The following MMP26 variants were observed in gnomAD, a reference collection of about 807,000 sequenced individuals.
The protein encoded by MMP26 is matrix metalloproteinase-26.
Under a neutral mutation model 31.0 loss-of-function variants are expected in MMP26, and 33 were observed. The ratio of observed to expected loss-of-function variants is 1.06; its 90% CI spans 0.81 to 1.42. The LOEUF (loss-of-function observed/expected upper bound fraction) is 1.42, where lower values mean the gene tolerates loss of function less well. Ranked by LOEUF, MMP26 falls within the 40% of genes most tolerant of loss-of-function variation. MMP26 has a pLI of 0.00. For missense variants in MMP26, 347 were observed against 316.1 expected (o/e 1.10, Z -0.74); for synonymous variants, 122 against 114.9 (o/e 1.06, Z -0.40).
intron 1 of MMP26, among the ~76,000 whole-genome samples, chr11:4,765,604 G>C (rs142180778): frequency 6.6e-5 from 10 of 152,222 alleles, no homozygotes; most frequent in African/African-American, 2.4e-4. Flanking sequence ...TCTGGCTTTT[G>C]GTGGTTACCT....
chr11:4,970,175 T>G (rs940836788), intron 2 of MMP26, among the ~76,000 whole-genome samples: 1 of 152,244 alleles, frequency 6.6e-6, no homozygotes. Flanking sequence ...AAGTAGTTCT[T>G]ATCTTTAATA....
chr11:4,981,315 T>A (rs778744913), intron 2 of MMP26, among the ~76,000 whole-genome samples: 3 of 152,120 alleles, frequency 2.0e-5, no homozygotes, highest in Non-Finnish European at 4.4e-5. Context: ...CATGAGAACA[T>A]CGTAGAGTGT....
Position 4,939,808 on chromosome 11 carries a change from C to A in MMP26, c.-144-48260C>A, listed in dbSNP as rs1396661473. Among the ~76,000 whole-genome samples the A allele has an allele frequency of 2.0e-5, 3 of 152,166 alleles. No individual in the cohort carries two copies. In the East Asian group the frequency reaches 5.8e-4, roughly 29 times the overall value. ...GCCTATTAAGAATAAATATTTGGAA[C>A]TTAAGAGAAAGGCCAAGCCACAGAT... On this transcript the variant is annotated intron_variant, in intron 2 of 7. Coordinates refer to ENST00000380390, the MANE Select transcript of MMP26 (RefSeq NM_021801.5).
intron 2 of MMP26, chr11:4,803,490 A>G (rs779696619): frequency 6.2e-7 from 1 of 1,614,112 alleles, no homozygotes; most frequent in Non-Finnish European, 8.5e-7. Context: ...GTTTGGTTCT[A>G]ACTCCATAAA....
intron 2 of MMP26, among the ~76,000 whole-genome samples, chr11:4,773,205 T>C (rs980284869): frequency 2.6e-5 from 4 of 152,196 alleles, no homozygotes; most frequent in African/African-American, 7.2e-5. Context: ...CCTCTGCTGT[T>C]GAGTGTGGGT....
intron 2 of MMP26, among the ~76,000 whole-genome samples, chr11:4,872,129 G>A (rs975743642): frequency 6.6e-6 from 1 of 151,960 alleles, no homozygotes; most frequent in Non-Finnish European, 1.5e-5. Flanking sequence ...AAATGAGATA[G>A]GACATGTAAA....
chr11:4,939,261 T>A lies in MMP26; in HGVS notation c.-144-48807T>A, dbSNP rs1256154528. The stretch of plus-strand genomic sequence containing the variant: ...AAATTAGTTGTAGCTCCAAAATTAT[T>A]TAATGGAATATCATTTACCAAAGTT... On this transcript the variant is annotated intron_variant, in intron 2 of 7. Transcript: ENST00000380390. Among the ~76,000 whole-genome samples the A allele has an allele frequency of 2.0e-5, 3 of 152,268 alleles. 1 individual carries two copies. Among genetic ancestry groups the A allele is most frequent in the Non-Finnish European group, 4.4e-5 (3 of 68,004 alleles).
chr11:4,795,455 A>C (rs1849093047), intron 2 of MMP26, among the ~76,000 whole-genome samples: 1 of 152,218 alleles, frequency 6.6e-6, no homozygotes, highest in South Asian at 2.1e-4. Context: ...TGATTAGAAA[A>C]TTGTCTGAAC....
chr11:4,908,338 AACC>A, intron 2 of MMP26: 1 of 1,572,472 alleles, frequency 6.4e-7, no homozygotes, highest in African/African-American at 1.3e-5. Context: ...ATAAATTATC[AACC>A]AGTAGGCATT....
chr11:4,982,318 A>G (rs946335549), intron 2 of MMP26, among the ~76,000 whole-genome samples: 2 of 152,122 alleles, frequency 1.3e-5, no homozygotes, highest in African/African-American at 2.4e-5. Context: ...GCAATGTGTT[A>G]TGACGTTACG....
At chr11:4,713,498 G>A (rs1207921541) in intron 1 of MMP26, among the ~76,000 whole-genome samples, 2 of 152,066 alleles carry the variant, frequency 1.3e-5, no homozygotes, top group African/African-American at 4.8e-5. Context: ...TACTGTCATC[G>A]TAAATATCCC....
chr11:4,898,200 G>T (rs1850742132), intron 2 of MMP26, among the ~76,000 whole-genome samples: 1 of 151,790 alleles, frequency 6.6e-6, no homozygotes, highest in Admixed American at 6.6e-5. Context: ...TTGAATTCCA[G>T]GTTGACAATT....
chr11:4,897,269 A>T (rs1397954409), intron 2 of MMP26, among the ~76,000 whole-genome samples: 1 of 152,064 alleles, frequency 6.6e-6, no homozygotes, highest in Non-Finnish European at 1.5e-5. Flanking sequence ...CCTCCTGAGT[A>T]ACTGGGATTA....
chr11:4,967,529 A>G (rs576161450), intron 2 of MMP26, among the ~76,000 whole-genome samples: 5 of 152,284 alleles, frequency 3.3e-5, no homozygotes, highest in African/African-American at 9.6e-5. Context: ...GGTCCCCAAG[A>G]TATTCTGAGG....
chr11:4,971,694 T>C (rs1364575604), intron 2 of MMP26, among the ~76,000 whole-genome samples: 1 of 152,182 alleles, frequency 6.6e-6, no homozygotes, highest in Non-Finnish European at 1.5e-5. Flanking sequence ...GTCTAGGTAC[T>C]TTATAGCAAA....
chr11:4,750,950 T>C (rs916778763), intron 1 of MMP26, among the ~76,000 whole-genome samples: 6 of 152,022 alleles, frequency 3.9e-5, no homozygotes, highest in Non-Finnish European at 5.9e-5. Flanking sequence ...TACAGATTTA[T>C]TGGATGTGGG....
chr11:4,790,416 C>T (rs566465368), intron 2 of MMP26, among the ~76,000 whole-genome samples: 1 of 152,234 alleles, frequency 6.6e-6, no homozygotes, highest in South Asian at 2.1e-4. Flanking sequence ...AAAAACTCAG[C>T]ATATTTATGA....
At chr11:4,916,838 G>C (rs1197772184) in intron 2 of MMP26, among the ~76,000 whole-genome samples, 1 of 152,182 alleles carries the variant, frequency 6.6e-6, no homozygotes, top group Non-Finnish European at 1.5e-5. Context: ...AGTGGCAGGA[G>C]AGGCTAAAGC....
chr11:4,982,088 TATAC>T (rs921600217), intron 2 of MMP26, among the ~76,000 whole-genome samples: 6 of 151,650 alleles, frequency 4.0e-5, no homozygotes, highest in Non-Finnish European at 7.4e-5. Context: ...ATACACACAA[TATAC>T]ATACATACAT....
Sources: gnomAD v4.1 joint callset for allele counts (sites outside exome capture counted in the v4.1 genomes callset) on GRCh38, gnomAD v4.1.1 for gene constraint, MANE v1.5 for transcripts, NCBI Gene and HGNC (gene_info 2026-07-23, HGNC 2026-07-21) for gene names.